PIAS1: variants seen among roughly 807,000 people sequenced by gnomAD.
PIAS1 encodes E3 SUMO-protein ligase PIAS1.
PIAS1 carries 6 observed loss-of-function variants against 71.3 expected under a neutral mutation model. The observed-to-expected ratio is 0.08, with a 90% CI of 0.05 to 0.17. The LOEUF is 0.17. PIAS1 is among the 10% of genes least tolerant of loss of function. The pLI is 1.00. For synonymous variants in PIAS1, 303 were observed against 292.9 expected, an observed-to-expected ratio of 1.03 and a Z score of -0.35; for missense variants, 555 against 793.6, an observed-to-expected ratio of 0.70 and a Z score of 3.61.
chr15:68,144,355 C>T (rs1391241489), intron 4 of PIAS1, among the ~76,000 whole-genome samples: 1 of 151,988 alleles, frequency 6.6e-6, no homozygotes, highest in Non-Finnish European at 1.5e-5. Flanking sequence ...TATTAGACAC[C>T]TAGTCTGTTT....
In PIAS1 at chr15:68,099,509, A is replaced by T. The variant is rs192814653; in HGVS notation, c.469+12759A>T. The stretch of plus-strand genomic sequence containing the variant: ...TATCACAATTTCTCTAACTATTCGA[A>T]TTATTTAAGAGCATTTTGGTTGTTT... On this transcript the variant is annotated intron_variant, in intron 2 of 13. Transcript: ENST00000249636. 1.1e-3 allele frequency among the ~76,000 whole-genome samples: 170 copies of T among 152,074 alleles called. 1 individual carries two copies. Among genetic ancestry groups the T allele is most frequent in the African/African-American group, 3.9e-3 (163 of 41,514 alleles).
intron 4 of PIAS1, among the ~76,000 whole-genome samples, chr15:68,145,260 G>T (rs74744538): frequency 0.022 from 3,285 of 152,060 alleles, 119 homozygotes; most frequent in African/African-American, 0.075. Context: ...AAAAAATAAG[G>T]AGTACTTTGG....
At chr15:68,164,666 G>A in intron 7 of PIAS1, 65 bp from the exon 8 acceptor site, 1 of 813,090 alleles carries the variant, frequency 1.2e-6, no homozygotes, top group Non-Finnish European at 2.0e-6. Flanking sequence ...TTATAGTAAT[G>A]CTCCAGTAAT....
Position 68,174,575 on chromosome 15 carries a change from G to T in PIAS1, c.1169+683G>T, listed in dbSNP as rs1595789917. ...GTTAGAGACAGAGTCTTGCCATTTT[G>T]CCCAGGCTGCTCTCGAATTCCTGGG... On this transcript the variant is annotated intron_variant, in intron 9 of 13. Coordinates refer to ENST00000249636, the MANE Select transcript of PIAS1 (RefSeq NM_016166.3). This position sits in a 1 kb window ranked among gnomAD's most constrained non-coding sequence, Gnocchi z 4.0. Among the ~76,000 whole-genome samples the T allele has an allele frequency of 6.6e-6, 1 of 152,092 alleles. No individual in the cohort carries two copies. The highest frequency in any genetic ancestry group is 6.6e-5 in the Admixed American group (1 of 15,264).
At chr15:68,111,163 T>C (rs918577123) in intron 2 of PIAS1, among the ~76,000 whole-genome samples, 1 of 152,218 alleles carries the variant, frequency 6.6e-6, no homozygotes, top group Non-Finnish European at 1.5e-5. Context: ...TTTTAGGCCT[T>C]CTCATTTTAT....
At chr15:68,141,477 G>A (rs2092769905) in intron 2 of PIAS1, among the ~76,000 whole-genome samples, 1 of 152,110 alleles carries the variant, frequency 6.6e-6, no homozygotes, top group South Asian at 2.1e-4. Context: ...TTGCATGGTA[G>A]AGTTAAACAG....
At chr15:68,159,495 C>G (rs1168417475) in intron 7 of PIAS1, among the ~76,000 whole-genome samples, 1 of 152,114 alleles carries the variant, frequency 6.6e-6, no homozygotes, top group Non-Finnish European at 1.5e-5. Context: ...CCATCCCATC[C>G]TTTTACCATT....
In PIAS1 at chr15:68,189,356, T is replaced by C. The variant is rs2093107830; in HGVS notation, c.*1521T>C. ...AAGAGATAAGGGGCATAATGACTGC[T>C]GGTTTTCCAGACTGGATTTTCCTAC... On this transcript the variant is annotated 3_prime_UTR_variant, in exon 14 of 14. Coordinates refer to ENST00000249636, the MANE Select transcript of PIAS1 (RefSeq NM_016166.3). The C allele has an allele frequency of 6.6e-6, 1 of 152,204 alleles. No individual in the cohort carries two copies. The highest frequency in any genetic ancestry group is 6.5e-5 in the Admixed American group (1 of 15,278). 9.4% of individuals were successfully genotyped at this position (152,204 alleles called of 1,614,324 possible).
Position 68,142,352 on chromosome 15 carries a change from A to C in PIAS1, c.602+15A>C, listed in dbSNP as rs752462766. On this transcript the variant is annotated intron_variant, in intron 4 of 13. Transcript: ENST00000249636. ...GTCCAGTTAAGGTACAGTGCTGACT[A>C]TAGGATATATTCAAAGTTTAAAAGA... 1 of 1,562,920 alleles carries C rather than the reference A, an allele frequency of 6.4e-7. No homozygotes were observed. The highest frequency in any genetic ancestry group is 2.2e-5 in the East Asian group (1 of 44,542).
intron 8 of PIAS1, among the ~76,000 whole-genome samples, chr15:68,172,013 G>A (rs888201158): frequency 2.0e-5 from 3 of 151,788 alleles, no homozygotes; most frequent in Non-Finnish European, 4.4e-5. Flanking sequence ...TGCTGCACCC[G>A]TTAACTCATC....
intron 1 of PIAS1, among the ~76,000 whole-genome samples, chr15:68,076,865 A>T (rs1029299930): frequency 6.6e-6 from 1 of 151,910 alleles, no homozygotes; most frequent in Non-Finnish European, 1.5e-5. Context: ...CCCTTGAAAA[A>T]CTCAAAATCT....
At chr15:68,149,392 T>C (rs1233304768) in intron 6 of PIAS1, among the ~76,000 whole-genome samples, 4 of 151,960 alleles carry the variant, frequency 2.6e-5, no homozygotes, top group Non-Finnish European at 4.4e-5. Flanking sequence ...ATCATATTTC[T>C]TTTCCTCGCT....
intron 4 of PIAS1, among the ~76,000 whole-genome samples, chr15:68,144,738 T>A (rs2092796308): frequency 6.6e-6 from 1 of 152,122 alleles, no homozygotes; most frequent in South Asian, 2.1e-4. Context: ...GATCAGTAAA[T>A]CTTAACTTTT....
intron 2 of PIAS1, among the ~76,000 whole-genome samples, chr15:68,125,398 T>A (rs1300748144): frequency 1.3e-5 from 2 of 152,202 alleles, no homozygotes; most frequent in Admixed American, 1.3e-4. Flanking sequence ...TTATTTTGCC[T>A]CTTGCCTGTG....
chr15:68,091,429 A>G (rs1000191319), intron 2 of PIAS1, among the ~76,000 whole-genome samples: 2 of 152,204 alleles, frequency 1.3e-5, no homozygotes, highest in Admixed American at 1.3e-4. Flanking sequence ...TTTGATTCAG[A>G]CTTAAGTATA....
At position 68,187,793 on chromosome 15, in the gene PIAS1, A is replaced by C. The variant is rs771637300; in HGVS notation, c.1914A>C (p.Ala638=). Residue 638 remains alanine (A), a synonymous_variant, in exon 14 of 14, where the codon GCA becomes GCC. Transcript: ENST00000249636. The surrounding 1 kb of genome is among the most constrained non-coding windows in gnomAD (Gnocchi z 5.3). The part of the protein sequence containing the change: ...TVTNRSSTDT[A]SIFGIIPDII... ...CAAACAGGAGCAGCACGGACACGGC[A>C]TCCATCTTTGGCATCATACCAGACA... The C allele has an allele frequency of 6.2e-6, 10 of 1,613,908 alleles. No homozygotes were observed. Among genetic ancestry groups the C allele is most frequent in the South Asian group, 1.1e-5 (1 of 91,070 alleles).
Position 68,105,836 on chromosome 15 carries a change from C to T in PIAS1, c.469+19086C>T, listed in dbSNP as rs1434965829. On this transcript the variant is annotated intron_variant, in intron 2 of 13. Coordinates refer to ENST00000249636, the MANE Select transcript of PIAS1 (RefSeq NM_016166.3). ...AAATTTTTTTTAAATAAATAACTAA[C>T]AGTAACCTTAAAATGAAATTATGGT... is the stretch of plus-strand genomic sequence containing the variant. 5.3e-5 allele frequency among the ~76,000 whole-genome samples: 8 copies of T among 152,036 alleles called. No individual in the cohort carries two copies. In the East Asian group the frequency reaches 1.5e-3, roughly 29 times the overall value.
rs548066217 is a variant in PIAS1 at position 68,121,502 on chromosome 15, G to T, written c.470-20444G>T. ...TTTTTGTGCATAGGGTTTATTGATT[G>T]CCCTGCCTCAGCACTCCTATTTCTT... On this transcript the variant is annotated intron_variant, in intron 2 of 13. Transcript: ENST00000249636. 6.6e-5 allele frequency among the ~76,000 whole-genome samples: 10 copies of T among 151,848 alleles called. No homozygotes were observed. In the East Asian group the frequency reaches 1.5e-3, roughly 24 times the overall value.
chr15:68,112,714 A>G (rs964891077), intron 2 of PIAS1, among the ~76,000 whole-genome samples: 3 of 152,342 alleles, frequency 2.0e-5, no homozygotes, highest in Admixed American at 2.0e-4. Context: ...AGTGTCGGCA[A>G]GGAAATCTAG....
Sources: gnomAD v4.1 joint callset for allele counts (sites outside exome capture counted in the v4.1 genomes callset) on GRCh38, gnomAD v4.1.1 for gene constraint, Gnocchi (gnomAD v3.1) non-coding constraint, MANE v1.5 for transcripts, NCBI Gene and HGNC (gene_info 2026-07-23, HGNC 2026-07-21) for gene names.